Variants in KLF12 observed in about 807,000 individuals in gnomAD.
KLF12 encodes the protein KLF transcription factor 12.
In KLF12, 9 loss-of-function variants were observed where a neutral mutation model predicts 37.8. That is an observed-to-expected ratio of 0.24 (90% CI 0.14 to 0.42). The LOEUF (loss-of-function observed/expected upper bound fraction) is 0.42, where lower values mean the gene tolerates loss of function less well. Ranked by LOEUF, KLF12 falls within the 10% of genes least tolerant of loss-of-function variation. KLF12 has a pLI of 1.00. For missense variants in KLF12, 411 were observed against 516.0 expected (o/e 0.80, Z 1.97); for synonymous variants, 208 against 202.1 (o/e 1.03, Z -0.25).
chr13:74,085,418 G>C (rs984561162), intron 1 of KLF12, among the ~76,000 whole-genome samples: 3 of 152,140 alleles, frequency 2.0e-5, no homozygotes, highest in Non-Finnish European at 4.4e-5. Flanking sequence ...CACCATAAAT[G>C]CCCTGCTACC....
At chr13:73,758,750 T>G (rs1423267909) in intron 6 of KLF12, among the ~76,000 whole-genome samples, 1 of 152,184 alleles carries the variant, frequency 6.6e-6, no homozygotes, top group Admixed American at 6.6e-5. Flanking sequence ...ATTATCTACT[T>G]TAATTTTTTT....
intron 3 of KLF12, among the ~76,000 whole-genome samples, chr13:73,943,479 GA>G (rs1890281571): frequency 6.6e-6 from 1 of 152,080 alleles, no homozygotes; most frequent in South Asian, 2.1e-4. Flanking sequence ...TTCGCTTTTA[GA>G]AATTTTTCAA....
chr13:74,221,155 C>CT, the KLF12 span, among the ~76,000 whole-genome samples: 2 of 151,892 alleles, frequency 1.3e-5, no homozygotes, highest in African/African-American at 4.8e-5. Context: ...CAAGCACCGC[C>CT]GCCACCACGC....
chr13:73,757,077 C>T (rs1247459198), intron 6 of KLF12, among the ~76,000 whole-genome samples: 1 of 152,152 alleles, frequency 6.6e-6, no homozygotes. Flanking sequence ...ACTCTAAAAG[C>T]CCTGACTTCA....
At chr13:74,019,817 A>G (rs969226595) in intron 1 of KLF12, among the ~76,000 whole-genome samples, 3 of 152,236 alleles carry the variant, frequency 2.0e-5, no homozygotes, top group Admixed American at 6.5e-5. Flanking sequence ...TAACAGTAAC[A>G]TAAACTCAAG....
At chr13:73,838,635 T>A (rs1322998763) in intron 4 of KLF12, among the ~76,000 whole-genome samples, 1 of 151,872 alleles carries the variant, frequency 6.6e-6, no homozygotes, top group African/African-American at 2.4e-5. Context: ...AGTCTTAATG[T>A]AATAAATATG....
At chr13:74,070,540 G>A (rs1274271507) in intron 1 of KLF12, among the ~76,000 whole-genome samples, 1 of 152,176 alleles carries the variant, frequency 6.6e-6, no homozygotes, top group African/African-American at 2.4e-5. Flanking sequence ...ACTGGACCCT[G>A]CCAGCAACAG....
chr13:73,814,637 A>G (rs538379524), intron 4 of KLF12, among the ~76,000 whole-genome samples: 1 of 152,348 alleles, frequency 6.6e-6, no homozygotes, highest in East Asian at 1.9e-4. Flanking sequence ...TTTGGTAAAT[A>G]CTAAATTTAA....
At chr13:73,781,465 T>C (rs1487348053) in intron 5 of KLF12, among the ~76,000 whole-genome samples, 1 of 152,246 alleles carries the variant, frequency 6.6e-6, no homozygotes, top group East Asian at 1.9e-4. Flanking sequence ...GATGGATGAA[T>C]GGCTATAAAA....
chr13:73,955,190 T>C (rs1890794812), intron 2 of KLF12, among the ~76,000 whole-genome samples: 1 of 152,222 alleles, frequency 6.6e-6, no homozygotes, highest in Non-Finnish European at 1.5e-5. Flanking sequence ...TAAATAATTA[T>C]AATTAGTAAT....
At chr13:73,732,152 C>T (rs983034554) in intron 6 of KLF12, among the ~76,000 whole-genome samples, 22 of 148,434 alleles carry the variant, frequency 1.5e-4, no homozygotes, top group African/African-American at 5.0e-5. Flanking sequence ...GGCGTGATCT[C>T]GACTCACTGC....
At chr13:74,075,187 G>A (rs1566200310) in intron 1 of KLF12, among the ~76,000 whole-genome samples, 1 of 152,198 alleles carries the variant, frequency 6.6e-6, no homozygotes, top group Non-Finnish European at 1.5e-5. Context: ...CTGAGGATGT[G>A]AAGATAAAAA....
intron 1 of KLF12, among the ~76,000 whole-genome samples, chr13:73,998,932 T>C (rs531700056): frequency 8.5e-5 from 13 of 152,318 alleles, no homozygotes; most frequent in African/African-American, 2.4e-4. Flanking sequence ...TGTTGCTAGG[T>C]GACAGGTGAC....
the KLF12 span, among the ~76,000 whole-genome samples, chr13:74,256,580 C>T: frequency 1.3e-5 from 2 of 152,076 alleles, no homozygotes; most frequent in Non-Finnish European, 2.9e-5. Context: ...ACCAGCGAAT[C>T]AGTAGGGTAA....
chr13:74,240,265 A>G, the KLF12 span, among the ~76,000 whole-genome samples: 4 of 142,970 alleles, frequency 2.8e-5, no homozygotes, highest in Admixed American at 2.8e-4. Context: ...AATGTTGAAT[A>G]TTGGCCCCCA....
At chr13:74,110,447 C>T (rs1484392755) in intron 1 of KLF12, among the ~76,000 whole-genome samples, 3 of 152,162 alleles carry the variant, frequency 2.0e-5, no homozygotes, top group East Asian at 1.9e-4. Context: ...CTGTCTCTTC[C>T]TCTAGAATTG....
chr13:74,256,072 G>A, the KLF12 span, among the ~76,000 whole-genome samples: 5,499 of 151,566 alleles, frequency 0.036, 221 homozygotes, highest in African/African-American at 0.095. Flanking sequence ...GGAGAATGGC[G>A]TGAACCCAGA....
At chr13:73,824,998 G>A (rs2138531342) in intron 4 of KLF12, among the ~76,000 whole-genome samples, 1 of 152,186 alleles carries the variant, frequency 6.6e-6, no homozygotes, top group African/African-American at 2.4e-5. Context: ...GAACCCAGGA[G>A]GCGGAGGTTG....
chr13:73,967,912 G>A (rs1891217529), intron 2 of KLF12, among the ~76,000 whole-genome samples: 1 of 152,092 alleles, frequency 6.6e-6, no homozygotes, highest in Non-Finnish European at 1.5e-5. Context: ...GTGTATCGAG[G>A]CTCAGTGACC....
Sources: gnomAD v4.1 joint callset for allele counts (sites outside exome capture counted in the v4.1 genomes callset) on GRCh38, gnomAD v4.1.1 for gene constraint, MANE v1.5 for transcripts, NCBI Gene and HGNC (gene_info 2026-07-23, HGNC 2026-07-21) for gene names.